CHRNB4: variants seen among roughly 807,000 people sequenced by gnomAD.
CHRNB4 encodes the protein neuronal acetylcholine receptor subunit beta-4.
In CHRNB4, 23 loss-of-function variants were observed where a neutral mutation model predicts 40.4. That is an observed-to-expected ratio of 0.57 (90% CI 0.41 to 0.81). The LOEUF is 0.81. Ranked by LOEUF, CHRNB4 falls within the 30% of genes least tolerant of loss-of-function variation. The pLI is 0.00. For synonymous variants in CHRNB4, 285 were observed against 274.4 expected, an observed-to-expected ratio of 1.04 and a Z score of -0.38; for missense variants, 568 against 670.6, an observed-to-expected ratio of 0.85 and a Z score of 1.69.
At chr15:78,641,811 C>T (rs150991668), upstream of CHRNB4, among the ~76,000 whole-genome samples, 218 of 152,338 alleles carry the variant, frequency 1.4e-3, 2 homozygotes, top group African/African-American at 5.0e-3. Flanking sequence ...CCCCATGGGC[C>T]TTCCAATCTG....
rs548290686 is a variant in CHRNB4 at position 78,648,196 on chromosome 15, A to T, written c.46+1183T>A. ...ATCACGAGGTCAGGAGATCAAGACC[A>T]TCCTGGCTAACGCAGTGAAACCCTG... On this transcript the variant is annotated intron_variant and NMD_transcript_variant, in intron 7 of 11. Coordinates refer to the CHRNB4 transcript ENST00000559849. Among the ~76,000 whole-genome samples, 3 of 151,912 alleles carry T rather than the reference A, an allele frequency of 2.0e-5. 1 individual carries two copies. The South Asian group carries it at 6.2e-4, about 32-fold the overall frequency.
chr15:78,638,622 G>A (rs2054004585), intron 1 of CHRNB4, among the ~76,000 whole-genome samples: 1 of 75,276 alleles, frequency 1.3e-5, no homozygotes, highest in African/African-American at 3.7e-5. Context: ...TGTATGGCCG[G>A]GGGGCCGGGG....
chr15:78,642,393 G>C (rs769038759), upstream of CHRNB4, among the ~76,000 whole-genome samples: 12 of 152,342 alleles, frequency 7.9e-5, no homozygotes, highest in South Asian at 4.1e-4. Context: ...AACCAGAAAA[G>C]AAATGCAAAG....
rs554748840 is a variant in CHRNB4 at position 78,640,953 on chromosome 15, G to A, written c.55+126C>T. The stretch of plus-strand genomic sequence containing the variant: ...CTCAGCCCTGCCCACGCCCCCATCT[G>A]GCCGGGACAATCTCGGGCCACTCCC... On this transcript the variant is annotated intron_variant, in intron 1 of 5. Transcript: ENST00000261751. 9.8e-6 allele frequency: 11 copies of A among 1,125,364 alleles called. No individual in the cohort carries two copies. In the East Asian group the frequency reaches 2.1e-4, roughly 21 times the overall value. The allele number at this position is 1,125,364 out of a possible 1,614,324, so 69.7% of individuals were successfully genotyped here. A position where few individuals can be genotyped will look rare whatever the true frequency, so the allele number is the denominator to read the frequency against.
intron 1 of CHRNB4, among the ~76,000 whole-genome samples, chr15:78,637,201 G>A (rs1199747396): frequency 1.3e-5 from 2 of 152,140 alleles, no homozygotes; most frequent in African/African-American, 4.8e-5. Flanking sequence ...CCTCAAATCT[G>A]CCCCTCTGCA....
chr15:78,654,034 G>C (rs746169395), intron 5 of CHRNB4, among the ~76,000 whole-genome samples: 4 of 152,166 alleles, frequency 2.6e-5, no homozygotes, highest in Admixed American at 6.5e-5. Context: ...GGGCTAAAAA[G>C]GGACCTGAGA....
Position 78,625,309 on chromosome 15 carries a change from A to G in CHRNB4, c.1339-18T>C. 3 of 1,525,964 alleles carry G rather than the reference A, an allele frequency of 2.0e-6. No individual in the cohort carries two copies. The highest frequency in any genetic ancestry group is 2.6e-6 in the Non-Finnish European group (3 of 1,138,862). 94.5% of individuals were successfully genotyped at this position (1,525,964 alleles called of 1,614,324 possible). A position where few individuals can be genotyped will look rare whatever the true frequency, so the allele number is the denominator to read the frequency against. ...TCAACGACCTGCAGGCAGACAGAGG[A>G]GTTGGTCACAGGTGCCAAGTACTGG... On this transcript the variant is annotated intron_variant, in intron 5 of 5. Coordinates refer to ENST00000261751, the MANE Select transcript of CHRNB4 (RefSeq NM_000750.5).
upstream of CHRNB4, chr15:78,660,886 T>C (rs1490729581): frequency 5.4e-6 from 2 of 368,112 alleles, no homozygotes; most frequent in Non-Finnish European, 1.0e-5. Flanking sequence ...CTTGGGATCC[T>C]GGCTTCTCAA....
chr15:78,648,178 G>A (rs2054141962), intron 7 of CHRNB4, among the ~76,000 whole-genome samples: 1 of 151,944 alleles, frequency 6.6e-6, no homozygotes, highest in Non-Finnish European at 1.5e-5. Flanking sequence ...TGGATCACGA[G>A]GTCAGGAGAT....
chr15:78,644,700 A>T (rs970483158), upstream of CHRNB4, among the ~76,000 whole-genome samples: 2 of 152,196 alleles, frequency 1.3e-5, no homozygotes, highest in Non-Finnish European at 2.9e-5. Flanking sequence ...GAATGGGAGG[A>T]CTCAATACTA....
At chr15:78,640,671 G>T (rs748367813) in intron 1 of CHRNB4, among the ~76,000 whole-genome samples, 4 of 152,340 alleles carry the variant, frequency 2.6e-5, no homozygotes, top group South Asian at 2.1e-4. Flanking sequence ...CACGCTTCAA[G>T]AAAGTCACCT....
At chr15:78,625,804 T>C (rs2053638716) in intron 5 of CHRNB4, 1 of 152,372 alleles carries the variant, frequency 6.6e-6, no homozygotes, top group Non-Finnish European at 1.5e-5. Flanking sequence ...CAGCAGTGTC[T>C]GTTTCCTGTA....
At chr15:78,625,375 AG>A in intron 5 of CHRNB4, 84 bp from the exon 6 acceptor site, 1 of 1,320,160 alleles carries the variant, frequency 7.6e-7, no homozygotes, top group Non-Finnish European at 1.0e-6. Context: ...CTCTCTGGCC[AG>A]GGACTCCACA....
Position 78,624,117 on chromosome 15 carries a change from CAACA to C in CHRNB4, c.*1012_*1015del, listed in dbSNP as rs2053599344. On this transcript the variant is annotated 3_prime_UTR_variant, in exon 6 of 6. Coordinates refer to ENST00000261751, the MANE Select transcript of CHRNB4 (RefSeq NM_000750.5). ...GAGGGGTAGGAGCCATTCATTCATT[CAACA>C]AACATTTATTGAGCACCTACTGTGT... The C allele has an allele frequency of 6.6e-6, 1 of 152,212 alleles. No homozygotes were observed. Among genetic ancestry groups the C allele is most frequent in the South Asian group, 2.1e-4 (1 of 4,830 alleles). 9.4% of individuals were successfully genotyped at this position (152,212 alleles called of 1,614,324 possible). A position where few individuals can be genotyped will look rare whatever the true frequency, so the allele number is the denominator to read the frequency against.
chr15:78,653,862 T>G (rs930663898), intron 5 of CHRNB4, among the ~76,000 whole-genome samples: 2 of 152,146 alleles, frequency 1.3e-5, no homozygotes, highest in African/African-American at 2.4e-5. Context: ...CAGTAATTAC[T>G]GGTCCCCACT....
At chr15:78,638,236 G>A (rs1253611778) in intron 1 of CHRNB4, among the ~76,000 whole-genome samples, 3 of 152,230 alleles carry the variant, frequency 2.0e-5, no homozygotes, top group African/African-American at 7.2e-5. Flanking sequence ...CCCACCTGAT[G>A]TGCCCGGGTG....
chr15:78,629,090 C>G lies in CHRNB4; in HGVS notation c.1215G>C (p.Pro405=), dbSNP rs765684498. Residue 405 remains proline, a synonymous_variant, in exon 5 of 6, where the codon CCG becomes CCC. Coordinates refer to ENST00000261751, the MANE Select transcript of CHRNB4 (RefSeq NM_000750.5). This position sits in a 1 kb window ranked among gnomAD's most constrained non-coding sequence, Gnocchi z 6.8. ...GCCAGAAATCCCTGGGGATAGCCAC[C>G]GGGGTAGAGCCGGCTGGAGACTTGG... ...AASKSPAGST[P]VAIPRDFWLR... 22 of 1,614,014 alleles carry G rather than the reference C, an allele frequency of 1.4e-5. No individual in the cohort carries two copies. Among genetic ancestry groups the G allele is most frequent in the Admixed American group, 1.7e-5 (1 of 59,990 alleles).
At chr15:78,643,658 T>A (rs1266470576), upstream of CHRNB4, among the ~76,000 whole-genome samples, 2 of 151,992 alleles carry the variant, frequency 1.3e-5, no homozygotes, top group Non-Finnish European at 2.9e-5. Flanking sequence ...GAAATAAAAT[T>A]TTAAAATTGG....
intron 3 of CHRNB4, among the ~76,000 whole-genome samples, chr15:78,657,065 C>A (rs1197135631): frequency 6.6e-6 from 1 of 151,842 alleles, no homozygotes; most frequent in Non-Finnish European, 1.5e-5. Context: ...GTTTCTGTCA[C>A]CCAGGCTGGA....
Sources: gnomAD v4.1 joint callset for allele counts (sites outside exome capture counted in the v4.1 genomes callset) on GRCh38, gnomAD v4.1.1 for gene constraint, Gnocchi (gnomAD v3.1) non-coding constraint, MANE v1.5 for transcripts, NCBI Gene and HGNC (gene_info 2026-07-23, HGNC 2026-07-21) for gene names.